LRRC37A: variants seen among roughly 807,000 people sequenced by gnomAD.
LRRC37A encodes the protein leucine rich repeat containing 37A.
LRRC37A carries 3 observed loss-of-function variants against 35.4 expected under a neutral mutation model. The ratio of observed to expected loss-of-function variants is 0.08; its 90% confidence interval spans 0.04 to 0.22. The LOEUF (loss-of-function observed/expected upper bound fraction) is 0.22. Ranked by LOEUF, LRRC37A falls within the 10% of genes least tolerant of loss-of-function variation. The pLI, the probability that LRRC37A is intolerant of heterozygous loss-of-function variation, is 1.00. For missense variants in LRRC37A, 67 were observed against 565.3 expected (o/e 0.12, Z 8.94); for synonymous variants, 23 against 215.0 (o/e 0.11, Z 7.81).
intron 5 of LRRC37A, among the ~76,000 whole-genome samples, chr17:46,321,357 GAAAAAA>G (rs763727306): frequency 2.6e-4 from 8 of 31,362 alleles, no homozygotes; most frequent in South Asian, 1.3e-3. Context: ...CTCCGTCTCA[GAAAAAA>G]AAAAAAAAAA....
At chr17:46,280,293 A>G in the LRRC37A span, among the ~76,000 whole-genome samples, 1 of 152,162 alleles carries the variant, frequency 6.6e-6, no homozygotes, top group African/African-American at 2.4e-5. Context: ...GAACGCGGGA[A>G]GCGGAGGTTG....
the LRRC37A span, among the ~76,000 whole-genome samples, chr17:46,250,564 G>A: frequency 1.3e-5 from 2 of 152,274 alleles, no homozygotes; most frequent in South Asian, 2.1e-4. Context: ...TCTTCCTCCC[G>A]TGCTGGATGC....
At chr17:46,267,252 G>A in the LRRC37A span, 1 of 878,938 alleles carries the variant, frequency 1.1e-6, no homozygotes, top group Non-Finnish European at 1.7e-6. Context: ...GGGCCGTTTC[G>A]CTGTTGCTAA....
the LRRC37A span, among the ~76,000 whole-genome samples, chr17:46,271,663 G>A: frequency 1.3e-5 from 2 of 151,990 alleles, no homozygotes; most frequent in Admixed American, 1.3e-4. Flanking sequence ...TCCCAGGAAG[G>A]TAGATTACAA....
chr17:46,279,918 T>C, the LRRC37A span, among the ~76,000 whole-genome samples: 16,962 of 149,690 alleles, frequency 0.11, no homozygotes, highest in Non-Finnish European at 0.17. Flanking sequence ...AATTATCTAA[T>C]GCATGAGTCA....
At chr17:46,281,655 C>T in the LRRC37A span, among the ~76,000 whole-genome samples, 3,038 of 128,500 alleles carry the variant, frequency 0.024, no homozygotes, top group Middle Eastern at 0.044. Context: ...GGAATTTTTT[C>T]TTCTTCTTTT....
At chr17:46,265,392 TCTCCTCCTCCTTC>T in the LRRC37A span, among the ~76,000 whole-genome samples, 1 of 111,908 alleles carries the variant, frequency 8.9e-6, no homozygotes, top group African/African-American at 2.7e-5. Context: ...TTCTCTTCCT[TCTCCTCCTCCTTC>T]CTCCTCCTCC....
chr17:46,252,780 C>A, the LRRC37A span, among the ~76,000 whole-genome samples: 2 of 152,246 alleles, frequency 1.3e-5, no homozygotes, highest in Non-Finnish European at 2.9e-5. Context: ...CCCGCCTCTA[C>A]ACAGACACGG....
chr17:46,267,265 A>G, the LRRC37A span: 1 of 1,030,492 alleles, frequency 9.7e-7, no homozygotes, highest in Non-Finnish European at 1.4e-6. Flanking sequence ...GTTGCTAAAA[A>G]CCAACGCCCA....
At chr17:46,260,924 A>G in the LRRC37A span, among the ~76,000 whole-genome samples, 2 of 152,262 alleles carry the variant, frequency 1.3e-5, no homozygotes, top group South Asian at 2.1e-4. Context: ...TGCCCCGTCT[A>G]TGGAGACTAT....
the LRRC37A span, among the ~76,000 whole-genome samples, chr17:46,281,008 T>C: frequency 6.6e-6 from 1 of 152,216 alleles, no homozygotes. Context: ...AATCATTTTT[T>C]CTTAAACTTT....
the LRRC37A span, among the ~76,000 whole-genome samples, chr17:46,255,170 G>C: frequency 2.6e-5 from 4 of 151,978 alleles, no homozygotes; most frequent in African/African-American, 9.7e-5. Context: ...GGGCAAGTAT[G>C]CTGCCCAAGA....
At chr17:46,284,732 A>G in the LRRC37A span, among the ~76,000 whole-genome samples, 5 of 152,226 alleles carry the variant, frequency 3.3e-5, no homozygotes, top group Non-Finnish European at 1.5e-5. Context: ...CAGCTGATTA[A>G]TGATGAGGTG....
chr17:46,291,845 C>T (rs1183037597), upstream of LRRC37A, among the ~76,000 whole-genome samples: 1 of 151,892 alleles, frequency 6.6e-6, no homozygotes, highest in Non-Finnish European at 1.5e-5. Flanking sequence ...CCTGTAGTCC[C>T]AGATACTTGG....
chr17:46,290,162 C>T (rs1433612306), upstream of LRRC37A, among the ~76,000 whole-genome samples: 3 of 152,236 alleles, frequency 2.0e-5, no homozygotes, highest in Non-Finnish European at 4.4e-5. Flanking sequence ...CAGGGCCTCA[C>T]TTGATCGCCC....
At chr17:46,282,166 A>G in the LRRC37A span, among the ~76,000 whole-genome samples, 2 of 134,224 alleles carry the variant, frequency 1.5e-5, no homozygotes, top group African/African-American at 2.5e-5. Context: ...GCAGTGGCGC[A>G]ATCTCGGCTC....
At chr17:46,267,622 C>T in the LRRC37A span, 67 of 1,454,614 alleles carry the variant, frequency 4.6e-5, no homozygotes, top group Non-Finnish European at 6.1e-5. Context: ...TTTTTTGGGA[C>T]GGATGGGGGA....
chr17:46,267,308 G>A, the LRRC37A span: 1 of 1,395,240 alleles, frequency 7.2e-7, no homozygotes, highest in Non-Finnish European at 9.6e-7. Flanking sequence ...TTCCCAAACT[G>A]TTTTTTGGAA....
upstream of LRRC37A, chr17:46,292,789 G>GT (rs2050110244): frequency 1.3e-5 from 1 of 79,024 alleles, no homozygotes; most frequent in Admixed American, 1.3e-4. Context: ...TATCTCCCAC[G>GT]TATCTTGGGT....
Sources: gnomAD v4.1 joint callset for allele counts (sites outside exome capture counted in the v4.1 genomes callset) on GRCh38, gnomAD v4.1.1 for gene constraint, MANE v1.5 for transcripts, NCBI Gene and HGNC (gene_info 2026-07-23, HGNC 2026-07-21) for gene names.